The following HDAC9 variants were observed in gnomAD, a reference collection of about 807,000 sequenced individuals.
HDAC9 encodes the protein MEF-2 interacting transcription repressor (MITR) protein.
A neutral mutation model predicts 139.4 loss-of-function variants in HDAC9; 41 were observed. The observed-to-expected ratio is 0.29, with a 90% CI of 0.23 to 0.38. The LOEUF (loss-of-function observed/expected upper bound fraction) is 0.38, where lower values mean the gene tolerates loss of function less well. Ranked by LOEUF, HDAC9 falls within the 10% of genes least tolerant of loss-of-function variation. The pLI is 1.00. For synonymous variants in HDAC9, 517 were observed against 476.2 expected (o/e 1.09, Z -1.12); for missense variants, 1,147 against 1,297.0 (o/e 0.88, Z 1.78).
At chr7:18,918,189 C>T (rs1262432363) in intron 22 of HDAC9, among the ~76,000 whole-genome samples, 2 of 152,096 alleles carry the variant, frequency 1.3e-5, no homozygotes, top group South Asian at 4.2e-4. Context: ...GTCTTTGGTT[C>T]AGTGATAATG....
intron 1 of HDAC9, among the ~76,000 whole-genome samples, chr7:18,152,217 A>G (rs1473675257): frequency 6.6e-6 from 1 of 152,148 alleles, no homozygotes. Flanking sequence ...ATTGAGCAGT[A>G]TGCTAAGTAT....
intron 21 of HDAC9, among the ~76,000 whole-genome samples, chr7:18,866,014 A>G (rs1416672709): frequency 6.6e-6 from 1 of 150,610 alleles, no homozygotes; most frequent in Non-Finnish European, 1.5e-5. Context: ...ATATAAGATC[A>G]TATAACTGCC....
intron 7 of HDAC9, among the ~76,000 whole-genome samples, chr7:18,632,962 A>G (rs1413541884): frequency 1.3e-5 from 2 of 152,078 alleles, no homozygotes; most frequent in Non-Finnish European, 2.9e-5. Flanking sequence ...ATATTAAAAT[A>G]CATACATTGA....
At chr7:18,888,087 TC>T (rs1282138889) in intron 22 of HDAC9, among the ~76,000 whole-genome samples, 3 of 152,204 alleles carry the variant, frequency 2.0e-5, no homozygotes, top group African/African-American at 7.2e-5. Flanking sequence ...CATAAATTCT[TC>T]CTGATCTGTC....
chr7:18,501,211 T>G (rs1326459335), intron 2 of HDAC9, among the ~76,000 whole-genome samples: 1 of 152,022 alleles, frequency 6.6e-6, no homozygotes, highest in Non-Finnish European at 1.5e-5. Flanking sequence ...TTTAAACAAC[T>G]ATTGGATTGT....
Position 18,543,999 on chromosome 7 carries a change from G to A in HDAC9, c.23-41282G>A, listed in dbSNP as rs561008307. 5.3e-5 allele frequency among the ~76,000 whole-genome samples: 8 copies of A among 152,246 alleles called. No individual in the cohort carries two copies. The South Asian group carries it at 1.7e-3, about 32-fold the overall frequency. ...TGTATGATAAAGTCCTGAGGCCACT[G>A]TAAGATCTTTGGATTTTAATTTAAG... On this transcript the variant is annotated intron_variant, in intron 2 of 25. Coordinates refer to ENST00000686413, the MANE Select transcript of HDAC9 (RefSeq NM_178425.4).
intron 12 of HDAC9, among the ~76,000 whole-genome samples, chr7:18,670,314 A>T (rs1257410643): frequency 6.6e-6 from 1 of 152,044 alleles, no homozygotes; most frequent in African/African-American, 2.4e-5. Context: ...TTGAGCAAAC[A>T]CAAAGGAAAT....
At chr7:18,531,922 C>T (rs768110302) in intron 2 of HDAC9, among the ~76,000 whole-genome samples, 1 of 152,144 alleles carries the variant, frequency 6.6e-6, no homozygotes, top group Non-Finnish European at 1.5e-5. Context: ...TTGTCAAATA[C>T]ATTTTTTGGT....
chr7:18,919,596 G>A (rs2129295170), intron 22 of HDAC9, among the ~76,000 whole-genome samples: 1 of 152,032 alleles, frequency 6.6e-6, no homozygotes, highest in East Asian at 1.9e-4. Flanking sequence ...GATTTCACAG[G>A]GATTAAAGGG....
At chr7:18,653,482 G>C (rs758842635) in intron 11 of HDAC9, among the ~76,000 whole-genome samples, 1 of 151,836 alleles carries the variant, frequency 6.6e-6, no homozygotes. Flanking sequence ...CTGGCTATCA[G>C]CCAACACTTT....
chr7:18,840,660 A>G (rs757204297), intron 21 of HDAC9, among the ~76,000 whole-genome samples: 1 of 152,124 alleles, frequency 6.6e-6, no homozygotes, highest in Admixed American at 6.6e-5. Context: ...TGTTTTTGCT[A>G]TATAGTCAAA....
At chr7:18,474,518 A>G (rs1046214193) in intron 1 of HDAC9, among the ~76,000 whole-genome samples, 5 of 152,170 alleles carry the variant, frequency 3.3e-5, no homozygotes, top group Admixed American at 1.3e-4. Context: ...TACATATTTT[A>G]TTATCTTTGA....
chr7:18,503,209 CCT>C lies in HDAC9; in HGVS notation c.22+6886_22+6887del, dbSNP rs1367155963. On this transcript the variant is annotated intron_variant, in intron 2 of 25. Coordinates refer to ENST00000686413, the MANE Select transcript of HDAC9 (RefSeq NM_178425.4). Reference sequence around the variant, plus strand: ...GAGTGTTGGCTGTGCCATGGTCCCCCCTGTTTTTGAAAGGAAGCTGAAGTGAG... The same window carrying C: ...GAGTGTTGGCTGTGCCATGGTCCCCCGTTTTTGAAAGGAAGCTGAAGTGAG... 2.6e-5 allele frequency among the ~76,000 whole-genome samples: 4 copies of C among 152,252 alleles called. No homozygotes were observed. The East Asian group carries it at 5.8e-4, about 22-fold the overall frequency.
At chr7:18,128,708 A>C (rs920050313) in intron 1 of HDAC9, among the ~76,000 whole-genome samples, 2 of 151,618 alleles carry the variant, frequency 1.3e-5, no homozygotes, top group Non-Finnish European at 2.9e-5. Flanking sequence ...ATTGAATGGC[A>C]TGTTTTACCT....
At chr7:18,984,340 T>A (rs1212449717) in intron 25 of HDAC9, among the ~76,000 whole-genome samples, 1 of 152,116 alleles carries the variant, frequency 6.6e-6, no homozygotes, top group East Asian at 1.9e-4. Flanking sequence ...GCCACAGAGT[T>A]GAGTAAGCTG....
At chr7:18,945,840 C>T (rs1184302212) in intron 23 of HDAC9, among the ~76,000 whole-genome samples, 1 of 151,482 alleles carries the variant, frequency 6.6e-6, no homozygotes, top group Non-Finnish European at 1.5e-5. Context: ...AGTTTGAGAC[C>T]ATCCTAACCA....
At chr7:18,420,403 C>G (rs1318537912) in intron 1 of HDAC9, among the ~76,000 whole-genome samples, 2 of 152,142 alleles carry the variant, frequency 1.3e-5, no homozygotes, top group African/African-American at 4.8e-5. Context: ...CTTAGTAAAT[C>G]ACTCTAGGTT....
chr7:18,399,291 C>G (rs1023405607), intron 1 of HDAC9, among the ~76,000 whole-genome samples: 1 of 152,100 alleles, frequency 6.6e-6, no homozygotes, highest in Non-Finnish European at 1.5e-5. Context: ...AAAACCCACC[C>G]TTCTGTACCA....
intron 8 of HDAC9, among the ~76,000 whole-genome samples, chr7:18,635,432 G>T (rs1334407049): frequency 6.6e-6 from 1 of 151,928 alleles, no homozygotes; most frequent in Non-Finnish European, 1.5e-5. Context: ...ACATATTAAA[G>T]GATATTAGTT....
Sources: allele counts gnomAD v4.1 joint callset (sites outside exome capture counted in the v4.1 genomes callset), GRCh38; gene constraint gnomAD v4.1.1; transcripts MANE v1.5; gene names NCBI Gene and HGNC (gene_info 2026-07-23, HGNC 2026-07-21).